Variants in DENND5B observed in about 807,000 individuals in gnomAD.
DENND5B encodes the protein DENN domain-containing protein 5B.
In DENND5B, 34 loss-of-function variants were observed where a neutral mutation model predicts 140.6. That is an observed-to-expected ratio of 0.24 (90% CI 0.18 to 0.32). The LOEUF (loss-of-function observed/expected upper bound fraction) is 0.32, where lower values mean the gene tolerates loss of function less well. DENND5B is among the 10% of genes least tolerant of loss of function. The pLI, the probability that DENND5B is intolerant of heterozygous loss-of-function variation, is 1.00. For synonymous variants in DENND5B, 551 were observed against 562.1 expected (o/e 0.98, Z 0.28); for missense variants, 1,142 against 1,560.2 (o/e 0.73, Z 4.52).
At position 31,402,596 on chromosome 12, in the gene DENND5B, C is replaced by T. The variant is rs966045491; in HGVS notation, c.2851G>A (p.Ala951Thr). 20 of 1,613,776 alleles carry T rather than the reference C, an allele frequency of 1.2e-5. No homozygotes were observed. Among genetic ancestry groups the T allele is most frequent in the Non-Finnish European group, 1.7e-5 (20 of 1,179,766 alleles). ...ATCCAAGGGTTTGATGTGATTATTG[C>T]ATTGCTCAGCTTTTTGATTGGGATG... ...VIIPIKKLSN[A>T]IITSNPWICV... is the part of the protein sequence containing the mutation. Residue 951 changes from alanine to threonine, a missense_variant, in exon 15 of 21, where the codon GCA becomes ACA. Physicochemically the swap from Ala to Thr is moderately conservative, Grantham distance 58 (BLOSUM62 0). Coordinates refer to ENST00000389082, the MANE Select transcript of DENND5B (RefSeq NM_144973.4).
chr12:31,496,835 T>A (rs1946778453), intron 1 of DENND5B, among the ~76,000 whole-genome samples: 1 of 152,096 alleles, frequency 6.6e-6, no homozygotes, highest in Non-Finnish European at 1.5e-5. Context: ...AATGTTTTAG[T>A]TTCATGAAAT....
chr12:31,583,879 T>C (rs1284305431), intron 1 of DENND5B, among the ~76,000 whole-genome samples: 2 of 152,176 alleles, frequency 1.3e-5, no homozygotes, highest in Non-Finnish European at 2.9e-5. Context: ...ATCCAAAATA[T>C]AATAGCTAGT....
intron 11 of DENND5B, among the ~76,000 whole-genome samples, chr12:31,416,350 G>A (rs1354394546): frequency 1.3e-5 from 2 of 151,076 alleles, no homozygotes; most frequent in Non-Finnish European, 2.9e-5. Flanking sequence ...TGCAACCTCC[G>A]CCTCCTGAGT....
intron 1 of DENND5B, among the ~76,000 whole-genome samples, chr12:31,526,572 A>G (rs534467833): frequency 1.3e-5 from 2 of 152,352 alleles, no homozygotes; most frequent in South Asian, 4.1e-4. Flanking sequence ...ATAATCCACA[A>G]GAATCCTTTA....
At position 31,409,246 on chromosome 12, in the gene DENND5B, C is replaced by T. The variant is rs1263407981; in HGVS notation, c.2803+17G>A. 6.4e-7 allele frequency: 1 copy of T among 1,556,622 alleles called. No individual in the cohort carries two copies. The highest frequency in any genetic ancestry group is 8.7e-7 in the Non-Finnish European group (1 of 1,153,186). The stretch of plus-strand genomic sequence containing the variant: ...GGTCACCTCAGTAACCCTTAACGGT[C>T]AATTCTCTAGACTTACTGATAGTGG... On this transcript the variant is annotated intron_variant, in intron 14 of 20. Coordinates refer to ENST00000389082, the MANE Select transcript of DENND5B (RefSeq NM_144973.4).
intron 5 of DENND5B, among the ~76,000 whole-genome samples, chr12:31,449,522 G>C (rs1490818268): frequency 6.6e-6 from 1 of 152,084 alleles, no homozygotes; most frequent in Non-Finnish European, 1.5e-5. Context: ...TGTACGACTA[G>C]TATGTCCTGC....
intron 1 of DENND5B, among the ~76,000 whole-genome samples, chr12:31,568,868 C>T (rs1273049189): frequency 6.6e-6 from 1 of 152,202 alleles, no homozygotes; most frequent in South Asian, 2.1e-4. Flanking sequence ...AACCTCTTTT[C>T]CCAAGTCATC....
Position 31,447,549 on chromosome 12 carries a change from A to G in DENND5B, c.1850T>C (p.Leu617Ser), listed in dbSNP as rs752466360. The G allele has an allele frequency of 1.2e-5, 20 of 1,605,766 alleles. No homozygotes were observed. The highest frequency in any genetic ancestry group is 1.6e-5 in the Non-Finnish European group (19 of 1,175,960). ...RTSIYQKCST[L>S]KEAAQSIEQR... is the part of the protein sequence containing the mutation. Reference sequence around the variant, plus strand: ...CATGGCAAATGTACCTGCTTCTTTTAAAGTGCTGCATTTCTGATATATAGA... The same window carrying G: ...CATGGCAAATGTACCTGCTTCTTTTGAAGTGCTGCATTTCTGATATATAGA... Residue 617 changes from leucine to serine, a missense_variant, in exon 6 of 21, where the codon TTA (leucine) becomes TCA (serine). Physicochemically the swap from Leu to Ser is moderately radical, Grantham distance 145. Coordinates refer to ENST00000389082, the MANE Select transcript of DENND5B (RefSeq NM_144973.4).
chr12:31,471,859 T>G (rs929316805), intron 3 of DENND5B, among the ~76,000 whole-genome samples: 12 of 152,096 alleles, frequency 7.9e-5, no homozygotes, highest in Non-Finnish European at 1.5e-5. Context: ...ATCCAATCCT[T>G]GAGGGACCAG....
chr12:31,490,376 C>T (rs1401488802), intron 2 of DENND5B, among the ~76,000 whole-genome samples: 2 of 152,034 alleles, frequency 1.3e-5, no homozygotes, highest in East Asian at 3.9e-4. Context: ...CTCTGAGAGG[C>T]CGAGGTGGGC....
intron 2 of DENND5B, among the ~76,000 whole-genome samples, chr12:31,485,736 CCTCTCTCTCTCT>C (rs55748263): frequency 4.7e-5 from 7 of 149,788 alleles, no homozygotes; most frequent in East Asian, 2.0e-4. Context: ...GCTTCCATCT[CCTCTCTCTCTCT>C]CTCTCTCTCT....
At chr12:31,426,816 A>G in intron 8 of DENND5B, 1 of 194,718 alleles carries the variant, frequency 5.1e-6, no homozygotes, top group Non-Finnish European at 1.1e-5. Flanking sequence ...CAGATCACTG[A>G]TTTCCTCCAC....
intron 1 of DENND5B, among the ~76,000 whole-genome samples, chr12:31,571,617 ATT>A (rs5797419): frequency 1.7e-4 from 25 of 148,322 alleles, no homozygotes; most frequent in Admixed American, 2.7e-4. Context: ...AAAAGCCACA[ATT>A]TTTTTTTTTG....
At chr12:31,480,334 C>A in intron 2 of DENND5B, 79 bp from the exon 3 acceptor site, 1 of 1,222,850 alleles carries the variant, frequency 8.2e-7, no homozygotes, top group East Asian at 2.7e-5. Context: ...GTTTTTTTAA[C>A]ATAACAGGAT....
chr12:31,436,421 G>A (rs1445174291), intron 7 of DENND5B, among the ~76,000 whole-genome samples: 2 of 151,588 alleles, frequency 1.3e-5, no homozygotes, highest in Non-Finnish European at 2.9e-5. Context: ...TCTTGATGAA[G>A]CCACTGAAAC....
At chr12:31,475,550 C>A (rs1945764096) in intron 3 of DENND5B, among the ~76,000 whole-genome samples, 2 of 152,030 alleles carry the variant, frequency 1.3e-5, no homozygotes, top group Admixed American at 1.3e-4. Flanking sequence ...GAGTTTCAAA[C>A]CAGCCTGGGC....
chr12:31,463,460 T>G (rs924763475), intron 3 of DENND5B, among the ~76,000 whole-genome samples: 1 of 152,162 alleles, frequency 6.6e-6, no homozygotes, highest in South Asian at 2.1e-4. Context: ...TACCACAGTA[T>G]CTGACATATA....
intron 1 of DENND5B, among the ~76,000 whole-genome samples, chr12:31,574,505 G>T (rs531896230): frequency 6.6e-6 from 1 of 151,744 alleles, no homozygotes; most frequent in Non-Finnish European, 1.5e-5. Flanking sequence ...CAGAAGAATC[G>T]CTTGAACCTG....
chr12:31,564,193 T>C (rs1178188580), intron 1 of DENND5B, among the ~76,000 whole-genome samples: 1 of 152,172 alleles, frequency 6.6e-6, no homozygotes, highest in Non-Finnish European at 1.5e-5. Flanking sequence ...ATATTATATA[T>C]ATACACATTA....
Sources: gnomAD v4.1 joint callset for allele counts (sites outside exome capture counted in the v4.1 genomes callset) on GRCh38, gnomAD v4.1.1 for gene constraint, MANE v1.5 for transcripts, NCBI Gene and HGNC (gene_info 2026-07-23, HGNC 2026-07-21) for gene names.